KTN1: variants seen among roughly 807,000 people sequenced by gnomAD.
KTN1 encodes kinectin 1, also known as kinectin.
KTN1 carries 130 observed loss-of-function variants against 222.5 expected under a neutral mutation model. The ratio of observed to expected loss-of-function variants is 0.58; its 90% CI spans 0.51 to 0.68. The LOEUF (loss-of-function observed/expected upper bound fraction) is 0.68, where lower values mean the gene tolerates loss of function less well. Among genes scored for constraint, KTN1 ranks in the 30% least tolerant of loss-of-function variants. The pLI, the probability that KTN1 is intolerant of heterozygous loss-of-function variation, is 0.00. For missense variants in KTN1, 1,508 were observed against 1,500.4 expected (o/e 1.01, Z -0.08); for synonymous variants, 512 against 496.3 (o/e 1.03, Z -0.42).
chr14:55,596,317 GC>G, intron 1 of KTN1, among the ~76,000 whole-genome samples: 1 of 152,050 alleles, frequency 6.6e-6, no homozygotes, highest in East Asian at 1.9e-4. Context: ...ATATTTAATA[GC>G]TTTTACTTTT....
intron 32 of KTN1, chr14:55,662,862 C>G (rs983247532): frequency 1.5e-5 from 7 of 455,940 alleles, no homozygotes; most frequent in Non-Finnish European, 2.2e-5. Flanking sequence ...CGATATACTG[C>G]TAACATCTTA....
intron 31 of KTN1, among the ~76,000 whole-genome samples, 171 bp downstream of exon 31, chr14:55,659,874 T>C (rs1194995475): frequency 6.6e-6 from 1 of 152,178 alleles, no homozygotes; most frequent in African/African-American, 2.4e-5. Context: ...GCTAAGATGC[T>C]TTTTTTATGG....
intron 5 of KTN1, among the ~76,000 whole-genome samples, chr14:55,625,336 C>T (rs1450139370): frequency 1.3e-5 from 2 of 152,028 alleles, no homozygotes; most frequent in African/African-American, 4.8e-5. Flanking sequence ...AATTTTTTAT[C>T]ATTGACCTTT....
Position 55,648,885 on chromosome 14 carries a change from T to C in KTN1, c.2367+15T>C. 6.8e-7 allele frequency: 1 copy of C among 1,480,946 alleles called. No homozygotes were observed. Among genetic ancestry groups the C allele is most frequent in the Non-Finnish European group, 9.4e-7 (1 of 1,065,642 alleles). 91.7% of individuals were successfully genotyped at this position (1,480,946 alleles called of 1,614,324 possible). The stretch of plus-strand genomic sequence containing the variant: ...AAAATGATCAGGTAATGTAAATTTT[T>C]ACAACTGTTCTTTGTCTCTGTGTTT... On this transcript the variant is annotated intron_variant, in intron 21 of 43. Coordinates refer to ENST00000395314, the MANE Select transcript of KTN1 (RefSeq NM_001079521.2).
In KTN1 at chr14:55,657,397, G is replaced by GTTTTTTTTTTTTTGTTTTTTTTTTTT. The variant is rs2043605041; in HGVS notation, c.2893-1136_2893-1135insGTTTTTTTTTTTTTTTTTTTTTTTTT. ...CCCACACTTTTTCCACTGAGTTGACGTTTTTTTTTTTTTTACTAATTTGTA... is the reference window on the plus strand; with the variant it reads ...CCCACACTTTTTCCACTGAGTTGACGTTTTTTTTTTTTTGTTTTTTTTTTTTTTTTTTTTTTTTTTACTAATTTGTA... On this transcript the variant is annotated intron_variant, in intron 29 of 43. Coordinates refer to ENST00000395314, the MANE Select transcript of KTN1 (RefSeq NM_001079521.2). Among the ~76,000 whole-genome samples the GTTTTTTTTTTTTTGTTTTTTTTTTTT allele has an allele frequency of 2.2e-5, 3 of 137,664 alleles. No homozygotes were observed. In the South Asian group the frequency reaches 7.0e-4, roughly 32 times the overall value. The allele number at this position is 137,664 out of a possible 152,430, so 90.3% of individuals were successfully genotyped here. A position where few individuals can be genotyped will look rare whatever the true frequency, so the allele number is the denominator to read the frequency against.
chr14:55,640,889 A>G, intron 15 of KTN1, 44 bp from the exon 16 acceptor site: 2 of 1,554,804 alleles, frequency 1.3e-6, no homozygotes, highest in Non-Finnish European at 1.8e-6. Flanking sequence ...AGTTTTGAGC[A>G]CTTCCTGTGA....
Position 55,612,439 on chromosome 14 carries a change from A to C in KTN1, c.391A>C (p.Lys131Gln). The C allele has an allele frequency of 6.2e-7, 1 of 1,614,180 alleles. No homozygotes were observed. Among genetic ancestry groups the C allele is most frequent in the South Asian group, 1.1e-5 (1 of 91,076 alleles). Reference sequence around the variant, plus strand: ...GCCTGTGCTTGAAGAGCAGGTCATCAAAGAAAGTGACGCATCAAAGATTCC... The same window carrying C: ...GCCTGTGCTTGAAGAGCAGGTCATCCAAGAAAGTGACGCATCAAAGATTCC... ...QKPVLEEQVI[K>Q]ESDASKIPGK... Residue 131 changes from lysine to glutamine, a missense_variant, in exon 2 of 44, where the codon AAA (lysine) becomes CAA (glutamine). By Grantham distance (53) the Lys-to-Gln change is moderately conservative (BLOSUM62 1). Transcript: ENST00000395314.
chr14:55,651,819 A>G (rs1000300369), intron 24 of KTN1, 71 bp from the exon 25 acceptor site: 40 of 983,108 alleles, frequency 4.1e-5, no homozygotes, highest in South Asian at 3.2e-4. Context: ...TACACATTAT[A>G]AAGACTTATA....
intron 31 of KTN1, 149 bp downstream of exon 31, chr14:55,659,852 GT>G (rs2043919478): frequency 1.9e-6 from 1 of 532,308 alleles, no homozygotes; most frequent in Non-Finnish European, 3.4e-6. Flanking sequence ...TTAGAGTTGA[GT>G]AGTACCTTTG....
At chr14:55,632,096 ATTTG>A (rs2040599883) in intron 7 of KTN1, among the ~76,000 whole-genome samples, 1 of 152,160 alleles carries the variant, frequency 6.6e-6, no homozygotes, top group Non-Finnish European at 1.5e-5. Context: ...TGCTTTTAGC[ATTTG>A]TTTAACTCAT....
At chr14:55,610,566 A>C (rs1218105224) in intron 1 of KTN1, among the ~76,000 whole-genome samples, 2 of 152,236 alleles carry the variant, frequency 1.3e-5, no homozygotes, top group African/African-American at 4.8e-5. Context: ...CTCCAAATTG[A>C]TAATTTAAAA....
chr14:55,602,607 G>A (rs1477372827), intron 1 of KTN1, among the ~76,000 whole-genome samples: 1 of 150,822 alleles, frequency 6.6e-6, no homozygotes, highest in African/African-American at 2.4e-5. Context: ...TTTGAGAGAG[G>A]GTCTCCCTCT....
intron 26 of KTN1, 38 bp from the exon 27 acceptor site, chr14:55,652,979 C>G: frequency 6.3e-7 from 1 of 1,577,344 alleles, no homozygotes; most frequent in South Asian, 1.1e-5. Flanking sequence ...CCTTTTTATA[C>G]TTGACTATCA....
At chr14:55,634,433 G>A in intron 8 of KTN1, 93 bp from the exon 9 acceptor site, 2 of 1,160,272 alleles carry the variant, frequency 1.7e-6, no homozygotes, top group Non-Finnish European at 2.4e-6. Context: ...GGAACTACTA[G>A]CTCAGCTCAG....
At chr14:55,653,465 G>T in intron 27 of KTN1, 94 bp from the exon 28 acceptor site, 1 of 910,346 alleles carries the variant, frequency 1.1e-6, no homozygotes. Context: ...TTATGTTTTT[G>T]TTTTTATTGG....
At chr14:55,622,981 C>T (rs1249794239) in intron 5 of KTN1, among the ~76,000 whole-genome samples, 1 of 152,206 alleles carries the variant, frequency 6.6e-6, no homozygotes, top group Non-Finnish European at 1.5e-5. Context: ...TCATACCAGA[C>T]TTGTTTCTTC....
At chr14:55,596,169 A>AT (rs887496395) in intron 1 of KTN1, among the ~76,000 whole-genome samples, 1 of 151,446 alleles carries the variant, frequency 6.6e-6, no homozygotes, top group Admixed American at 6.6e-5. Flanking sequence ...AAAAAAAAAA[A>AT]AAAAGTAAAA....
chr14:55,676,052 T>C, intron 41 of KTN1, 134 bp downstream of exon 41: 1 of 561,878 alleles, frequency 1.8e-6, no homozygotes, highest in Non-Finnish European at 3.1e-6. Flanking sequence ...TTTAAGCTGC[T>C]TGTTATTAGT....
chr14:55,584,948 C>T (rs576947254), intron 1 of KTN1, among the ~76,000 whole-genome samples: 7 of 151,974 alleles, frequency 4.6e-5, no homozygotes, highest in African/African-American at 1.2e-4. Context: ...GCCTGGGCAA[C>T]GTGGCAAAAC....
Sources: gnomAD v4.1 joint callset for allele counts (sites outside exome capture counted in the v4.1 genomes callset) on GRCh38, gnomAD v4.1.1 for gene constraint, MANE v1.5 for transcripts, NCBI Gene and HGNC (gene_info 2026-07-23, HGNC 2026-07-21) for gene names.